GDNF: variants seen among roughly 807,000 people sequenced by gnomAD.
GDNF encodes glial cell derived neurotrophic factor.
Under a neutral mutation model 13.7 loss-of-function variants are expected in GDNF, and 5 were observed. That is an observed-to-expected ratio of 0.36 (90% CI 0.19 to 0.77). The LOEUF is 0.77. GDNF is among the 30% of genes least tolerant of loss of function. The pLI is 0.51. For missense variants in GDNF, 246 were observed against 274.3 expected, an observed-to-expected ratio of 0.90 and a Z score of 0.73; for synonymous variants, 122 against 112.5, an observed-to-expected ratio of 1.08 and a Z score of -0.53.
chr5:37,834,637 G>C lies in GDNF; in HGVS notation c.151+9C>G, dbSNP rs780518151. ...GGCGGCCCCCCCGCGGGGAGGGAAC[G>C]GTTCTTACAGTCACTGCTCAGCGCG... On this transcript the variant is annotated intron_variant, in intron 2 of 2. Transcript: ENST00000326524. 4 of 1,539,548 alleles carry C rather than the reference G, an allele frequency of 2.6e-6. No individual in the cohort carries two copies. Among genetic ancestry groups the C allele is most frequent in the Non-Finnish European group, 3.5e-6 (4 of 1,147,030 alleles).
rs150577324 is a variant in GDNF, at chr5:37,815,487, T to TTCC, written c.*161_*163dup. The TTCC allele has an allele frequency of 0.016, 9,905 of 637,666 alleles. 203 individuals are homozygous for TTCC. Among genetic ancestry groups the TTCC allele is most frequent in the East Asian group, 0.078 (2,779 of 35,532 alleles). The allele number at this position is 637,666 out of a possible 1,614,324, so 39.5% of individuals were successfully genotyped here. On this transcript the variant is annotated 3_prime_UTR_variant, in exon 3 of 3. Coordinates refer to ENST00000326524, the MANE Select transcript of GDNF (RefSeq NM_000514.4). The surrounding 1 kb of genome is among the most constrained non-coding windows in gnomAD (Gnocchi z 5.0). ...CTACCAGGCTCCCATGATGGCTGCC[T>TTCC]TCCTCCTCCTCCTCCTCCTCCTCCT... is the stretch of plus-strand genomic sequence containing the variant.
intron 2 of GDNF, chr5:37,823,951 C>G (rs1110149): frequency 0.38 from 201,318 of 530,974 alleles, 38,807 homozygotes; most frequent in Middle Eastern, 0.44. Flanking sequence ...ATCAGGGGCC[C>G]CATAAAACCC....
At position 37,815,190 on chromosome 5, in the gene GDNF, CGT is replaced by C. The variant is rs1457156650; in HGVS notation, c.*459_*460del. ...AAACCTCTTACTTTCAGCAGTAAAACGTAATAACAAGGAACAACACCAGGATC... is the reference window on the plus strand; with the variant it reads ...AAACCTCTTACTTTCAGCAGTAAAACAATAACAAGGAACAACACCAGGATC... On this transcript the variant is annotated 3_prime_UTR_variant, in exon 3 of 3. Transcript: ENST00000326524. The surrounding 1 kb of genome is among the most constrained non-coding windows in gnomAD (Gnocchi z 5.0). The C allele has an allele frequency of 5.6e-6, 1 of 179,968 alleles. No homozygotes were observed. The highest frequency in any genetic ancestry group is 1.2e-5 in the Non-Finnish European group (1 of 85,036). The allele number at this position is 179,968 out of a possible 1,614,324, so 11.1% of individuals were successfully genotyped here.
At chr5:37,821,438 T>C in intron 2 of GDNF, among the ~76,000 whole-genome samples, 1 of 152,246 alleles carries the variant, frequency 6.6e-6, no homozygotes, top group Admixed American at 6.5e-5. Flanking sequence ...AAGAGGAGCA[T>C]CATTAAAAAA....
chr5:37,828,443 G>A (rs1270877875), intron 2 of GDNF, among the ~76,000 whole-genome samples: 4 of 152,198 alleles, frequency 2.6e-5, no homozygotes, highest in African/African-American at 9.6e-5. Flanking sequence ...AGGGCCAAAA[G>A]GAAATTTGAT....
rs1418895472 is a variant in GDNF, at chr5:37,813,669, G to A, written c.*1982C>T. The A allele has an allele frequency of 6.7e-6, 1 of 148,630 alleles. No individual in the cohort carries two copies. The highest frequency in any genetic ancestry group is 1.5e-5 in the Non-Finnish European group (1 of 68,200). 9.2% of individuals were successfully genotyped at this position (148,630 alleles called of 1,614,324 possible). A position where few individuals can be genotyped will look rare whatever the true frequency, so the allele number is the denominator to read the frequency against. On this transcript the variant is annotated 3_prime_UTR_variant, in exon 3 of 3. Transcript: ENST00000326524. ...CAGCCTCGACCTTCTGGACTCAAGT[G>A]ATCCTCCTTCAGCCTCTTGAGTAGC...
intron 2 of GDNF, among the ~76,000 whole-genome samples, chr5:37,825,837 G>T (rs1420046358): frequency 2.0e-5 from 3 of 152,178 alleles, no homozygotes; most frequent in East Asian, 3.9e-4. Context: ...GAAGATGAAA[G>T]AAATCTTCTT....
intron 2 of GDNF, among the ~76,000 whole-genome samples, chr5:37,821,280 G>A (rs1750130252): frequency 2.0e-5 from 3 of 152,214 alleles, no homozygotes; most frequent in Admixed American, 2.0e-4. Flanking sequence ...TGAGGGAAAA[G>A]AAGAGGGGTC....
In GDNF at chr5:37,834,668, C is replaced by G. The variant is rs975689294; in HGVS notation, c.129G>C (p.Ala43=). The G allele has an allele frequency of 1.2e-6, 2 of 1,603,200 alleles. No individual in the cohort carries two copies. Among genetic ancestry groups the G allele is most frequent in the Middle Eastern group, 1.7e-4 (1 of 5,748 alleles). Residue 43 remains alanine, a synonymous_variant, in exon 2 of 3, where the codon GCG becomes GCC. Coordinates refer to ENST00000326524, the MANE Select transcript of GDNF (RefSeq NM_000514.4). ...AEDRSLGRRR[A]PFALSSDSNM... is the part of the protein sequence containing the mutation. Reference sequence around the variant, plus strand: ...TACAGTCACTGCTCAGCGCGAAGGGCGCGCGGCGGCGGCCGAGGGAGCGGT... The same window carrying G: ...TACAGTCACTGCTCAGCGCGAAGGGGGCGCGGCGGCGGCCGAGGGAGCGGT...
chr5:37,818,052 G>A (rs989815746), intron 2 of GDNF, among the ~76,000 whole-genome samples: 11 of 151,870 alleles, frequency 7.2e-5, no homozygotes, highest in Admixed American at 3.3e-4. Flanking sequence ...GTTCCCTCCC[G>A]TCTAGCTACC....
At chr5:37,835,413 C>T in intron 1 of GDNF, 1 of 1,415,294 alleles carries the variant, frequency 7.1e-7, no homozygotes, top group Non-Finnish European at 9.2e-7. Context: ...CCGCCCACAC[C>T]TCATTCTTCC....
At chr5:37,823,920 G>T in intron 2 of GDNF, 1 of 279,080 alleles carries the variant, frequency 3.6e-6, no homozygotes, top group South Asian at 1.4e-4. Context: ...CGCCCCAGCA[G>T]CATTCAGCTC....
intron 2 of GDNF, among the ~76,000 whole-genome samples, chr5:37,820,083 G>T (rs992101729): frequency 6.6e-6 from 1 of 152,084 alleles, no homozygotes; most frequent in Non-Finnish European, 1.5e-5. Context: ...TTTACAAAAG[G>T]ACTCACATCA....
rs869091796 is a variant in GDNF, at chr5:37,813,583, T to TTTTTTTG, written c.*2067_*2068insCAAAAAA. ...CTCTTTTTTTTTTTTTTTTTTTTTTTGAGACAGGGTACCGCACTGTCACTT... is the reference window on the plus strand; with the variant it reads ...CTCTTTTTTTTTTTTTTTTTTTTTTTTTTTTTGGAGACAGGGTACCGCACTGTCACTT... On this transcript the variant is annotated 3_prime_UTR_variant, in exon 3 of 3. Coordinates refer to ENST00000326524, the MANE Select transcript of GDNF (RefSeq NM_000514.4). 6.9e-6 allele frequency: 1 copy of TTTTTTTG among 144,866 alleles called. No individual in the cohort carries two copies. Among genetic ancestry groups the TTTTTTTG allele is most frequent in the African/African-American group, 2.5e-5 (1 of 39,360 alleles). The allele number at this position is 144,866 out of a possible 1,614,324, so 9.0% of individuals were successfully genotyped here. A position where few individuals can be genotyped will look rare whatever the true frequency, so the allele number is the denominator to read the frequency against.
At position 37,813,560 on chromosome 5, in the gene GDNF, C is replaced by CTTTTTTTTTTTTTTTTTTTTTTTTTTTTT. The variant is rs71604877; in HGVS notation, c.*2090_*2091insAAAAAAAAAAAAAAAAAAAAAAAAAAAAA. ...CCTATGCTTCCTCCTGCTCCAACCT[C>CTTTTTTTTTTTTTTTTTTTTTTTTTTTTT]TTTTTTTTTTTTTTTTTTTTTTTGA... On this transcript the variant is annotated 3_prime_UTR_variant, in exon 3 of 3. Transcript: ENST00000326524. The CTTTTTTTTTTTTTTTTTTTTTTTTTTTTT allele has an allele frequency of 1.1e-5, 1 of 87,026 alleles. No homozygotes were observed. The allele number at this position is 87,026 out of a possible 1,614,324, so 5.4% of individuals were successfully genotyped here.
At chr5:37,836,668 C>T (rs1307477115) in intron 1 of GDNF, among the ~76,000 whole-genome samples, 1 of 152,236 alleles carries the variant, frequency 6.6e-6, no homozygotes, top group African/African-American at 2.4e-5. Context: ...CCCTCAAGCC[C>T]CCCGCCGGTG....
At chr5:37,818,060 A>C (rs1324828282) in intron 2 of GDNF, among the ~76,000 whole-genome samples, 1 of 151,928 alleles carries the variant, frequency 6.6e-6, no homozygotes, top group Non-Finnish European at 1.5e-5. Flanking sequence ...CCGTCTAGCT[A>C]CCCTGGCTTC....
intron 2 of GDNF, among the ~76,000 whole-genome samples, chr5:37,819,886 A>T (rs1357122279): frequency 6.6e-6 from 1 of 152,250 alleles, no homozygotes; most frequent in Non-Finnish European, 1.5e-5. Context: ...ACTTAAAAAA[A>T]AATGAGCTGC....
chr5:37,828,320 G>C (rs901892225), intron 2 of GDNF, among the ~76,000 whole-genome samples: 2 of 152,120 alleles, frequency 1.3e-5, no homozygotes, highest in African/African-American at 4.8e-5. Context: ...AATATTATAG[G>C]AATACTTAGA....
Sources: allele counts gnomAD v4.1 joint callset (sites outside exome capture counted in the v4.1 genomes callset), GRCh38; gene constraint gnomAD v4.1.1; non-coding constraint Gnocchi (gnomAD v3.1); transcripts MANE v1.5; gene names NCBI Gene and HGNC (gene_info 2026-07-23, HGNC 2026-07-21).